ISM2: variants seen among roughly 807,000 people sequenced by gnomAD.
ISM2 encodes the protein isthmin-2.
In ISM2, 50 loss-of-function variants were observed where a neutral mutation model predicts 58.0. The ratio of observed to expected loss-of-function variants is 0.86; its 90% CI spans 0.69 to 1.09. The LOEUF is 1.09. ISM2 is among the 50% of genes least tolerant of loss of function. ISM2 has a pLI of 0.00. For missense variants in ISM2, 723 were observed against 745.0 expected, an observed-to-expected ratio of 0.97 and a Z score of 0.34; for synonymous variants, 303 against 312.4, an observed-to-expected ratio of 0.97 and a Z score of 0.32.
intron 1 of ISM2, among the ~76,000 whole-genome samples, chr14:77,490,061 C>T (rs2079192914): frequency 6.6e-6 from 1 of 152,222 alleles, no homozygotes; most frequent in Non-Finnish European, 1.5e-5. Context: ...GATGGGGTTT[C>T]ACCGTGTTAG....
chr14:77,491,437 G>A (rs1393378182), intron 1 of ISM2, among the ~76,000 whole-genome samples: 1 of 152,222 alleles, frequency 6.6e-6, no homozygotes, highest in Admixed American at 6.5e-5. Context: ...AGCTTAGGCT[G>A]GAGTGCAGTG....
intron 4 of ISM2, among the ~76,000 whole-genome samples, chr14:77,479,175 C>T (rs1426844256): frequency 6.6e-6 from 1 of 151,598 alleles, no homozygotes; most frequent in African/African-American, 2.4e-5. Context: ...CAAGCAATCC[C>T]CCCACCTCAG....
intron 1 of ISM2, among the ~76,000 whole-genome samples, chr14:77,487,690 T>C (rs2079176833): frequency 6.6e-6 from 1 of 152,206 alleles, no homozygotes; most frequent in Non-Finnish European, 1.5e-5. Context: ...GTTTGGGTTC[T>C]CTTGAAGCCT....
intron 1 of ISM2, among the ~76,000 whole-genome samples, chr14:77,487,674 A>G (rs2079176725): frequency 6.6e-6 from 1 of 152,138 alleles, no homozygotes; most frequent in Admixed American, 6.5e-5. Flanking sequence ...GGAACGTCTC[A>G]TCTTAGTTTG....
At chr14:77,476,274 C>T (rs897814617) in intron 6 of ISM2, among the ~76,000 whole-genome samples, 162 bp from the exon 7 acceptor site, 4 of 152,192 alleles carry the variant, frequency 2.6e-5, no homozygotes, top group African/African-American at 4.8e-5. Flanking sequence ...GAGGCTACCC[C>T]ACACCATCCA....
intron 1 of ISM2, among the ~76,000 whole-genome samples, chr14:77,494,916 C>T (rs151207248): frequency 0.025 from 3,847 of 152,172 alleles, 75 homozygotes; most frequent in South Asian, 0.051. Context: ...CAGGGTCTCG[C>T]TTTGTCACCC....
chr14:77,478,807 T>A (rs1355488448), intron 4 of ISM2, 92 bp from the exon 5 acceptor site: 5 of 1,338,894 alleles, frequency 3.7e-6, no homozygotes, highest in Non-Finnish European at 5.3e-6. Context: ...CTCAGGTGGA[T>A]GCAGCCCATG....
intron 3 of ISM2, 122 bp from the exon 4 acceptor site, chr14:77,482,789 C>G (rs960987268): frequency 6.4e-6 from 4 of 628,436 alleles, no homozygotes; most frequent in African/African-American, 5.5e-5. Flanking sequence ...AACCAGCTGT[C>G]TTCTCTTGGC....
At chr14:77,492,180 C>T (rs2079209677) in intron 1 of ISM2, among the ~76,000 whole-genome samples, 1 of 152,110 alleles carries the variant, frequency 6.6e-6, no homozygotes, top group African/African-American at 2.4e-5. Flanking sequence ...CTAATTCTAA[C>T]CCCCTCAACC....
chr14:77,497,753 GGGAGGGAGGGAGGGAGGGAAGGAAGGAA>G (rs1300268987), intron 1 of ISM2, among the ~76,000 whole-genome samples: 8 of 82,752 alleles, frequency 9.7e-5, no homozygotes, highest in African/African-American at 1.6e-4. Flanking sequence ...GAGGGAGGGA[GGGAGGGAGGGAGGGAGGGAAGGAAGGAA>G]GGAAGGAAGG....
intron 5 of ISM2, 33 bp downstream of exon 5, chr14:77,478,542 C>T: frequency 1.9e-6 from 3 of 1,598,448 alleles, no homozygotes; most frequent in Non-Finnish European, 2.6e-6. Context: ...GCCGCACCAG[C>T]CACTCCTATG....
At chr14:77,477,997 C>A (rs751687371) in intron 6 of ISM2, among the ~76,000 whole-genome samples, 31 of 152,206 alleles carry the variant, frequency 2.0e-4, no homozygotes, top group Non-Finnish European at 3.7e-4. Context: ...TATGCCCCCA[C>A]CAGATGATCT....
intron 1 of ISM2, among the ~76,000 whole-genome samples, chr14:77,494,867 T>C (rs1277401413): frequency 6.6e-6 from 1 of 151,848 alleles, no homozygotes; most frequent in Non-Finnish European, 1.5e-5. Context: ...TTAGGCTCTC[T>C]CAGCTCTCTT....
chr14:77,484,494 C>A lies in ISM2; in HGVS notation c.456G>T (p.Leu152=), dbSNP rs772814089. 2 of 1,606,918 alleles carry A rather than the reference C, an allele frequency of 1.2e-6. No individual in the cohort carries two copies. The highest frequency in any genetic ancestry group is 2.2e-5 in the South Asian group (2 of 89,930). The change falls in exon 3 of 7, where the codon CTG becomes CTT. Residue 152 remains leucine (L), a synonymous_variant. Coordinates refer to ENST00000342219, the MANE Select transcript of ISM2 (RefSeq NM_199296.3). ...EEARLLPRTH[L]QAELHQHGCW... ...ATCCATGTTGGTGTAGCTCTGCCTGCAGGTGGGTTCTGGGGAGCAGTCGTG... is the reference window on the plus strand; with the variant it reads ...ATCCATGTTGGTGTAGCTCTGCCTGAAGGTGGGTTCTGGGGAGCAGTCGTG...
chr14:77,484,702 A>C lies in ISM2; in HGVS notation c.359T>G (p.Leu120Trp). ...CTGGGTATCAGGGTTAGGGGTACTC[A>C]AGGTTGTGTTGGCCAATCCCGGCAG... ...QKLPGLANTT[L>W]STPNPDTQAS... is the part of the protein sequence containing the mutation. The change falls in exon 2 of 7, where the codon TTG becomes TGG. Residue 120 changes from leucine to tryptophan, a missense_variant. By Grantham distance (61) the Leu-to-Trp change is moderately conservative (BLOSUM62 -2). Coordinates refer to ENST00000342219, the MANE Select transcript of ISM2 (RefSeq NM_199296.3). 6.2e-7 allele frequency: 1 copy of C among 1,608,454 alleles called. No homozygotes were observed. The highest frequency in any genetic ancestry group is 8.5e-7 in the Non-Finnish European group (1 of 1,178,738).
chr14:77,498,735 A>C lies in ISM2; in HGVS notation c.59T>G (p.Leu20Arg). The C allele has an allele frequency of 6.7e-7, 1 of 1,481,972 alleles. No homozygotes were observed. The highest frequency in any genetic ancestry group is 1.5e-5 in the African/African-American group (1 of 68,100). 91.8% of individuals were successfully genotyped at this position (1,481,972 alleles called of 1,614,324 possible). A position where few individuals can be genotyped will look rare whatever the true frequency, so the allele number is the denominator to read the frequency against. ...GGGGAGCCCTAGCGCCGCCTCCAGC[A>C]GCGCCGCCAGCAGCAGCACGCAGAG... ...LLLCVLLLAALLEAALGLPVK... is the reference protein window; with the variant it reads ...LLLCVLLLAARLEAALGLPVK... The change falls in exon 1 of 7, where the codon CTG (leucine) becomes CGG (arginine). Residue 20 changes from leucine (L) to arginine (R), a missense_variant. Transcript: ENST00000342219.
At chr14:77,498,575 C>G in intron 1 of ISM2, 78 bp downstream of exon 1, 1 of 1,388,362 alleles carries the variant, frequency 7.2e-7, no homozygotes, top group Non-Finnish European at 9.3e-7. Flanking sequence ...CGGTCCCGCT[C>G]CCCGCACGGC....
At chr14:77,498,318 T>C (rs12434449) in intron 1 of ISM2, 118,423 of 1,370,578 alleles carry the variant, frequency 0.086, 5,890 homozygotes, top group Admixed American at 0.19. Context: ...AGCGCGCACC[T>C]GGAAAGGGGG....
At position 77,482,642 on chromosome 14, in the gene ISM2, G is replaced by A. The variant is rs2079140103; in HGVS notation, c.653C>T (p.Pro218Leu). ...CAGGTCTATCGACACCTCGGCCTGGGGGTCCTCCACCACCTTGATGGTCAC... is the reference window on the plus strand; with the variant it reads ...CAGGTCTATCGACACCTCGGCCTGGAGGTCCTCCACCACCTTGATGGTCAC... The part of the protein sequence containing the change: ...NQVTIKVVED[P>L]QAEVSIDLLA... The change falls in exon 4 of 7, where the codon CCC (proline) becomes CTC (leucine). Residue 218 changes from proline to leucine, a missense_variant. By Grantham distance (98) the Pro-to-Leu change is moderately conservative. Coordinates refer to ENST00000342219, the MANE Select transcript of ISM2 (RefSeq NM_199296.3). The A allele has an allele frequency of 1.9e-6, 3 of 1,563,658 alleles. No individual in the cohort carries two copies. Among genetic ancestry groups the A allele is most frequent in the Non-Finnish European group, 1.7e-6 (2 of 1,157,336 alleles).
Sources: gnomAD v4.1 joint callset for allele counts (sites outside exome capture counted in the v4.1 genomes callset) on GRCh38, gnomAD v4.1.1 for gene constraint, MANE v1.5 for transcripts, NCBI Gene and HGNC (gene_info 2026-07-23, HGNC 2026-07-21) for gene names.